The following PI4KA variants were observed in gnomAD, a reference collection of about 807,000 sequenced individuals.
PI4KA encodes the protein PI4-kinase alpha.
Under a neutral mutation model 271.4 loss-of-function variants are expected in PI4KA, and 122 were observed. That is an observed-to-expected ratio of 0.45 (90% CI 0.39 to 0.52). The LOEUF is 0.52. Ranked by LOEUF, PI4KA falls within the 20% of genes least tolerant of loss-of-function variation. The pLI, the probability that PI4KA is intolerant of heterozygous loss-of-function variation, is 0.00. For missense variants in PI4KA, 1,969 were observed against 2,769.1 expected, an observed-to-expected ratio of 0.71 and a Z score of 6.48; for synonymous variants, 1,041 against 1,078.8, an observed-to-expected ratio of 0.96 and a Z score of 0.69.
At chr22:20,716,001 G>C (rs893349854) in intron 45 of PI4KA, among the ~76,000 whole-genome samples, 4 of 151,056 alleles carry the variant, frequency 2.6e-5, no homozygotes, top group South Asian at 2.1e-4. Flanking sequence ...AGTGATTCTT[G>C]TTCTCAGCCT....
intron 19 of PI4KA, among the ~76,000 whole-genome samples, chr22:20,788,911 G>A (rs1412317714): frequency 6.6e-6 from 1 of 152,080 alleles, no homozygotes; most frequent in Non-Finnish European, 1.5e-5. Context: ...AACCCTTTTA[G>A]TCCTTTGCCA....
chr22:20,741,667 T>C (rs985550169), intron 32 of PI4KA, among the ~76,000 whole-genome samples: 4 of 152,200 alleles, frequency 2.6e-5, no homozygotes, highest in South Asian at 4.1e-4. Context: ...AAAATCCCCC[T>C]TTTTGACCAC....
chr22:20,805,456 CAT>C (rs1442823362), intron 10 of PI4KA, among the ~76,000 whole-genome samples: 4 of 152,246 alleles, frequency 2.6e-5, no homozygotes, highest in African/African-American at 9.6e-5. Context: ...ATACATGAAA[CAT>C]ATAAATTGGG....
At chr22:20,781,806 G>A (rs921176396) in intron 19 of PI4KA, among the ~76,000 whole-genome samples, 2 of 152,168 alleles carry the variant, frequency 1.3e-5, no homozygotes, top group East Asian at 1.9e-4. Context: ...GAGTCTAAGC[G>A]CTGGTTTCAC....
At chr22:20,770,389 T>A (rs1017537058) in intron 19 of PI4KA, among the ~76,000 whole-genome samples, 1 of 151,158 alleles carries the variant, frequency 6.6e-6, no homozygotes, top group Non-Finnish European at 1.5e-5. Flanking sequence ...GGCAGGCGCC[T>A]GTAATCCCAG....
At chr22:20,787,465 G>C in intron 19 of PI4KA, 1 of 333,302 alleles carries the variant, frequency 3.0e-6, no homozygotes. Flanking sequence ...GAAATGAGTG[G>C]TGTGACTAAT....
Position 20,813,146 on chromosome 22 carries a change from C to T in PI4KA, c.1005+212G>A, listed in dbSNP as rs552540634. On this transcript the variant is annotated intron_variant, in intron 8 of 54. Transcript: ENST00000255882. ...AAATGGGGATGCATGGGTGCCTCCC[C>T]AACATGGTTGCTCAAGAATGAAATG... Among the ~76,000 whole-genome samples the T allele has an allele frequency of 2.4e-3, 358 of 152,262 alleles. 3 individuals are homozygous for T. Among genetic ancestry groups the T allele is most frequent in the Non-Finnish European group, 2.4e-3 (163 of 68,026 alleles).
intron 32 of PI4KA, among the ~76,000 whole-genome samples, chr22:20,735,615 G>C (rs1928616719): frequency 6.6e-6 from 1 of 152,112 alleles, no homozygotes; most frequent in African/African-American, 2.4e-5. Flanking sequence ...GCTGGCCTCT[G>C]CCTTTTGCAC....
intron 6 of PI4KA, among the ~76,000 whole-genome samples, chr22:20,818,871 G>C (rs556372389): frequency 1.5e-4 from 23 of 152,234 alleles, no homozygotes; most frequent in Admixed American, 6.5e-4. Context: ...ATAGCATTTG[G>C]CACCCAACTG....
intron 1 of PI4KA, among the ~76,000 whole-genome samples, chr22:20,842,583 T>C (rs1253838479): frequency 5.9e-5 from 9 of 151,820 alleles, no homozygotes; most frequent in African/African-American, 1.9e-4. Context: ...GAGGTTGAGG[T>C]GGGCGGATCA....
intron 19 of PI4KA, chr22:20,779,704 C>G (rs780132685): frequency 6.2e-7 from 1 of 1,614,220 alleles, no homozygotes; most frequent in South Asian, 1.1e-5. Context: ...ATCCTCAACG[C>G]CAAGTTCGCT....
rs911517070 is a variant in PI4KA, at chr22:20,727,269, C to G, written c.4902G>C (p.Thr1634=). 6 of 1,613,456 alleles carry G rather than the reference C, an allele frequency of 3.7e-6. No homozygotes were observed. Among genetic ancestry groups the G allele is most frequent in the Non-Finnish European group, 5.1e-6 (6 of 1,179,934 alleles). The change falls in exon 41 of 55, where the codon ACG becomes ACC. Residue 1634 remains threonine (T), a synonymous_variant. Coordinates refer to ENST00000255882, the MANE Select transcript of PI4KA (RefSeq NM_058004.4). ...GCAGGACTTTCACCCCGTACTGCGC[C>G]GTGAGAGGGTGCGGCGGGTACATGC... The part of the protein sequence containing the change: ...FSSMYPPHPL[T]AQYGVKVLRS...
chr22:20,775,135 A>C (rs1228683519), intron 19 of PI4KA, among the ~76,000 whole-genome samples: 1 of 152,134 alleles, frequency 6.6e-6, no homozygotes, highest in Non-Finnish European at 1.5e-5. Flanking sequence ...CTGATGCGTG[A>C]CTGAAAAGGC....
chr22:20,773,157 G>A (rs1028138939), intron 19 of PI4KA, among the ~76,000 whole-genome samples: 7 of 151,876 alleles, frequency 4.6e-5, no homozygotes, highest in African/African-American at 1.5e-4. Flanking sequence ...AGGCCGAGAC[G>A]GGAGGATCAC....
intron 8 of PI4KA, among the ~76,000 whole-genome samples, chr22:20,812,012 C>CAAAAAAAAAAAAAAAAA (rs361795): frequency 1.3e-5 from 1 of 77,470 alleles, no homozygotes; most frequent in South Asian, 4.6e-4. Flanking sequence ...GACTCCATCT[C>CAAAAAAAAAAAAAAAAA]AAAAAAAAAA....
chr22:20,823,828 C>T (rs902057573), intron 4 of PI4KA, among the ~76,000 whole-genome samples: 1 of 152,054 alleles, frequency 6.6e-6, no homozygotes, highest in Non-Finnish European at 1.5e-5. Flanking sequence ...ATAGTCTCAG[C>T]TACTTGGGAG....
intron 22 of PI4KA, among the ~76,000 whole-genome samples, chr22:20,762,356 T>C (rs1292965167): frequency 6.6e-6 from 1 of 152,236 alleles, no homozygotes; most frequent in African/African-American, 2.4e-5. Flanking sequence ...TTTGTGGTTT[T>C]AAAGCTCTCT....
At position 20,729,299 on chromosome 22, in the gene PI4KA, G is replaced by A. The variant is rs1601348886; in HGVS notation, c.4682+14C>T. 1.2e-6 allele frequency: 2 copies of A among 1,607,690 alleles called. No individual in the cohort carries two copies. Among genetic ancestry groups the A allele is most frequent in the Middle Eastern group, 1.7e-4 (1 of 6,028 alleles). On this transcript the variant is annotated intron_variant, in intron 39 of 54. Coordinates refer to ENST00000255882, the MANE Select transcript of PI4KA (RefSeq NM_058004.4). The stretch of plus-strand genomic sequence containing the variant: ...GGTGAGGCCTGTGTCAGGCTGTGGT[G>A]CCCGGGGGCCCACCTGGCAGGCAGC...
Position 20,751,349 on chromosome 22 carries a change from C to T in PI4KA, c.3097G>A (p.Asp1033Asn). 6.2e-7 allele frequency: 1 copy of T among 1,614,038 alleles called. No individual in the cohort carries two copies. Among genetic ancestry groups the T allele is most frequent in the South Asian group, 1.1e-5 (1 of 91,070 alleles). Residue 1033 changes from aspartate (D) to asparagine (N), a missense_variant, in exon 27 of 55, where the codon GAC (aspartate) becomes AAC (asparagine). Physicochemically the swap from Asp to Asn is conservative, Grantham distance 23 (BLOSUM62 1). Transcript: ENST00000255882. Reference protein sequence around the residue: ...ADIHKDQPYYDIPDAPYRITV... With the variant: ...ADIHKDQPYYNIPDAPYRITV... ...ATCCGGTAGGGGGCGTCGGGGATGT[C>T]ATAGTAAGGCTGATCCTTGTGAATA...
Sources: gnomAD v4.1 joint callset for allele counts (sites outside exome capture counted in the v4.1 genomes callset) on GRCh38, gnomAD v4.1.1 for gene constraint, MANE v1.5 for transcripts, NCBI Gene and HGNC (gene_info 2026-07-23, HGNC 2026-07-21) for gene names.